The following MAN1B1 variants were observed in gnomAD, a reference collection of about 807,000 sequenced individuals.
MAN1B1 encodes the protein endoplasmic reticulum mannosyl-oligosaccharide 1,2-alpha-mannosidase.
In MAN1B1, 66 loss-of-function variants were observed where a neutral mutation model predicts 75.5. The observed-to-expected ratio is 0.87, with a 90% confidence interval of 0.72 to 1.07. The LOEUF (loss-of-function observed/expected upper bound fraction) is 1.07, where lower values mean the gene tolerates loss of function less well. MAN1B1 is among the 50% of genes least tolerant of loss of function. MAN1B1 has a pLI of 0.00. For missense variants in MAN1B1, 973 were observed against 912.5 expected, an observed-to-expected ratio of 1.07 and a Z score of -0.85; for synonymous variants, 453 against 382.8, an observed-to-expected ratio of 1.18 and a Z score of -2.14.
chr9:137,108,291 G>C (rs1564314762), intron 12 of MAN1B1, 97 bp from the exon 13 acceptor site: 2 of 1,108,296 alleles, frequency 1.8e-6, no homozygotes, highest in African/African-American at 3.1e-5. Context: ...TGCGCTGGGG[G>C]CCACATTCAC....
At chr9:137,087,774 C>T (rs1463855643) in intron 1 of MAN1B1, among the ~76,000 whole-genome samples, 1 of 152,230 alleles carries the variant, frequency 6.6e-6, no homozygotes, top group Non-Finnish European at 1.5e-5. Context: ...CTCATCTGCA[C>T]CACTGTATTA....
chr9:137,101,455 G>T (rs75585153), intron 7 of MAN1B1, 29 bp from the exon 8 acceptor site: 1 of 1,590,130 alleles, frequency 6.3e-7, no homozygotes, highest in Non-Finnish European at 8.6e-7. Context: ...TGACCTGAAC[G>T]TTGGTTCTCT....
intron 3 of MAN1B1, among the ~76,000 whole-genome samples, chr9:137,093,866 A>C (rs1299377784): frequency 6.6e-6 from 1 of 151,898 alleles, no homozygotes; most frequent in African/African-American, 2.4e-5. Context: ...GTTCTCCCTA[A>C]ATTCATCTGT....
chr9:137,087,644 C>T (rs1830409502), intron 1 of MAN1B1: 1 of 412,976 alleles, frequency 2.4e-6, no homozygotes, highest in Non-Finnish European at 4.6e-6. Context: ...CATTGATAAC[C>T]ACATGCGGAC....
In MAN1B1 at chr9:137,099,880, A is replaced by G; in HGVS notation, c.915A>G (p.Lys305=). Residue 305 remains lysine, a splice_region_variant and synonymous_variant, in exon 6 of 13, where the codon AAA becomes AAG. Coordinates refer to ENST00000371589, the MANE Select transcript of MAN1B1 (RefSeq NM_016219.5). ...LDTMWILGLR[K]EFEEARKWVS... is the part of the protein sequence containing the mutation. ...CCATGTGGATCTTGGGTCTGAGGAA[A>G]GGTACCTGGTGCTTTCTGGGGAGGG... 1 of 1,614,098 alleles carries G rather than the reference A, an allele frequency of 6.2e-7. No individual in the cohort carries two copies. Among genetic ancestry groups the G allele is most frequent in the Non-Finnish European group, 8.5e-7 (1 of 1,180,026 alleles).
chr9:137,087,344 C>G, intron 1 of MAN1B1, 126 bp downstream of exon 1: 2 of 1,138,772 alleles, frequency 1.8e-6, no homozygotes, highest in African/African-American at 1.5e-5. Context: ...TCCACCCCTT[C>G]CCCGCAAAAA....
chr9:137,098,246 C>G (rs552933381), intron 5 of MAN1B1, among the ~76,000 whole-genome samples: 2 of 152,238 alleles, frequency 1.3e-5, no homozygotes, highest in Non-Finnish European at 2.9e-5. Flanking sequence ...TCGGCCTGGC[C>G]AGTCCCAGGC....
At chr9:137,090,175 C>T (rs752600392) in intron 3 of MAN1B1, among the ~76,000 whole-genome samples, 2 of 152,228 alleles carry the variant, frequency 1.3e-5, no homozygotes, top group Non-Finnish European at 2.9e-5. Context: ...ATCCCCGACA[C>T]CGTTGAGAAC....
rs992384640 is a variant in MAN1B1, at chr9:137,088,950, C to G, written c.410C>G (p.Pro137Arg). The G allele has an allele frequency of 3.7e-6, 6 of 1,614,000 alleles. No individual in the cohort carries two copies. The highest frequency in any genetic ancestry group is 3.3e-4 in the Middle Eastern group (2 of 6,062). ...AAACCAGCAAATCCACCCGTCTTAC[C>G]AGCTCCTCAGAAGGCGGACACCGAC... ...GLKPANPPVL[P>R]APQKADTDPE... The change falls in exon 3 of 13, where the codon CCA (proline) becomes CGA (arginine). Residue 137 changes from proline to arginine, a missense_variant. Pro to Arg is a moderately radical substitution (Grantham distance 103). Transcript: ENST00000371589.
intron 5 of MAN1B1, 142 bp from the exon 6 acceptor site, chr9:137,099,554 C>T (rs992127551): frequency 1.0e-5 from 9 of 875,506 alleles, no homozygotes; most frequent in African/African-American, 1.6e-5. Flanking sequence ...TTTGCTGTGC[C>T]CACCACCGCC....
chr9:137,105,256 G>A (rs1831051634), intron 8 of MAN1B1: 1 of 152,848 alleles, frequency 6.5e-6, no homozygotes, highest in African/African-American at 2.4e-5. Context: ...TCATGTTCGA[G>A]TCCCTGTTTT....
In MAN1B1 at chr9:137,106,448, C is replaced by G. The variant is rs967036284; in HGVS notation, c.1445+133C>G. 1.8e-5 allele frequency: 18 copies of G among 1,013,656 alleles called. No individual in the cohort carries two copies. The African/African-American group carries it at 2.2e-4, about 13-fold the overall frequency. The allele number at this position is 1,013,656 out of a possible 1,614,324, so 62.8% of individuals were successfully genotyped here. A position where few individuals can be genotyped will look rare whatever the true frequency, so the allele number is the denominator to read the frequency against. On this transcript the variant is annotated intron_variant, in intron 9 of 12. Coordinates refer to ENST00000371589, the MANE Select transcript of MAN1B1 (RefSeq NM_016219.5). ...ACACTGTGTGTCAGGAAACCGCAGC[C>G]GTGCCAGGCCTGGCCCAGGCATTTA...
At position 137,101,495 on chromosome 9, in the gene MAN1B1, A is replaced by T; in HGVS notation, c.1077A>T (p.Gly359=). 6.2e-7 allele frequency: 1 copy of T among 1,613,864 alleles called. No individual in the cohort carries two copies. Among genetic ancestry groups the T allele is most frequent in the Non-Finnish European group, 8.5e-7 (1 of 1,180,038 alleles). Residue 359 remains glycine (G), a synonymous_variant, in exon 8 of 13, where the codon GGA becomes GGT. Coordinates refer to ENST00000371589, the MANE Select transcript of MAN1B1 (RefSeq NM_016219.5). ...SLFLRKAEDF[G]NRLMPAFRTP... is the part of the protein sequence containing the mutation. ...TGCTCATATACCAGGAGGATTTTGG[A>T]AATCGGCTAATGCCTGCCTTCAGAA...
intron 4 of MAN1B1, among the ~76,000 whole-genome samples, chr9:137,096,688 G>A (rs1220202883): frequency 4.6e-5 from 7 of 152,186 alleles, no homozygotes; most frequent in East Asian, 1.9e-4. Flanking sequence ...AGAGGTGGAC[G>A]CTGGCTGCCT....
chr9:137,107,079 G>C, intron 10 of MAN1B1, 171 bp from the exon 11 acceptor site: 1 of 793,790 alleles, frequency 1.3e-6, no homozygotes, highest in Non-Finnish European at 2.0e-6. Context: ...GGCCGGGTTG[G>C]AGGGCCTGGT....
At chr9:137,102,812 G>C (rs1462663523) in intron 8 of MAN1B1, 3 of 452,052 alleles carry the variant, frequency 6.6e-6, no homozygotes, top group East Asian at 1.4e-4. Flanking sequence ...TGTTGCAGGC[G>C]TGCAGGTCGG....
chr9:137,098,663 C>T (rs529929203), intron 5 of MAN1B1, among the ~76,000 whole-genome samples: 84 of 152,258 alleles, frequency 5.5e-4, no homozygotes, highest in Non-Finnish European at 8.4e-4. Flanking sequence ...AGAACCTTTC[C>T]TGAGAGGACG....
chr9:137,102,871 T>TA (rs1830910492), intron 8 of MAN1B1: 1 of 295,680 alleles, frequency 3.4e-6, no homozygotes, highest in South Asian at 2.1e-5. Flanking sequence ...TCGGTGGTGT[T>TA]ACATTCATGC....
chr9:137,105,990 C>A, intron 8 of MAN1B1, 135 bp from the exon 9 acceptor site: 1 of 755,920 alleles, frequency 1.3e-6, no homozygotes, highest in Non-Finnish European at 2.3e-6. Context: ...CAGCTGTGGG[C>A]TGGGCACAGA....
Sources: gnomAD v4.1 joint callset for allele counts (sites outside exome capture counted in the v4.1 genomes callset) on GRCh38, gnomAD v4.1.1 for gene constraint, MANE v1.5 for transcripts, NCBI Gene and HGNC (gene_info 2026-07-23, HGNC 2026-07-21) for gene names.